The following ZNF385D variants were observed in gnomAD, a reference collection of about 807,000 sequenced individuals.
ZNF385D encodes zinc finger protein 659.
A neutral mutation model predicts 35.8 loss-of-function variants in ZNF385D; 15 were observed. The observed-to-expected ratio is 0.42, with a 90% CI of 0.28 to 0.64. ZNF385D has a LOEUF of 0.64. Among genes scored for constraint, ZNF385D ranks in the 30% least tolerant of loss-of-function variants. The probability of loss-of-function intolerance (pLI) is 0.23; values close to 1 mark genes in which losing one functional copy is unlikely to be tolerated. For synonymous variants in ZNF385D, 212 were observed against 186.8 expected (o/e 1.13, Z -1.10); for missense variants, 474 against 494.6 (o/e 0.96, Z 0.39).
At chr3:22,046,233 T>C (rs1698999960) in intron 3 of ZNF385D, among the ~76,000 whole-genome samples, 4 of 151,998 alleles carry the variant, frequency 2.6e-5, no homozygotes, top group Admixed American at 2.6e-4. Context: ...AACACACATT[T>C]TTGTAGATTA....
At chr3:21,883,032 T>C (rs1280605558) in intron 3 of ZNF385D, among the ~76,000 whole-genome samples, 1 of 152,008 alleles carries the variant, frequency 6.6e-6, no homozygotes, top group East Asian at 1.9e-4. Context: ...AAAATATTGA[T>C]GCTTATTTGG....
At chr3:22,165,100 T>G (rs1461583977) in intron 3 of ZNF385D, among the ~76,000 whole-genome samples, 1 of 152,154 alleles carries the variant, frequency 6.6e-6, no homozygotes, top group East Asian at 1.9e-4. Flanking sequence ...ATTACACATT[T>G]TGTAAACCCA....
At chr3:22,328,970 G>A (rs1049608414) in intron 2 of ZNF385D, among the ~76,000 whole-genome samples, 2 of 150,996 alleles carry the variant, frequency 1.3e-5, no homozygotes, top group African/African-American at 2.4e-5. Flanking sequence ...CCACCTACTT[G>A]GGAGGCTGAG....
intron 3 of ZNF385D, among the ~76,000 whole-genome samples, chr3:22,003,808 A>T (rs1696016788): frequency 6.6e-6 from 1 of 151,930 alleles, no homozygotes; most frequent in African/African-American, 2.4e-5. Flanking sequence ...CAGAGGCTGC[A>T]GTGAGCCAAG....
At chr3:21,976,699 G>A (rs1386436336) in intron 3 of ZNF385D, among the ~76,000 whole-genome samples, 1 of 152,178 alleles carries the variant, frequency 6.6e-6, no homozygotes, top group African/African-American at 2.4e-5. Context: ...TTTGCACTGA[G>A]AAATAATAAA....
At chr3:21,617,449 C>T (rs1452984768) in intron 2 of ZNF385D, among the ~76,000 whole-genome samples, 1 of 152,210 alleles carries the variant, frequency 6.6e-6, no homozygotes, top group South Asian at 2.1e-4. Flanking sequence ...GGATTAGATG[C>T]TTGTTAGTGA....
At chr3:21,944,509 G>A (rs1193796078) in intron 3 of ZNF385D, among the ~76,000 whole-genome samples, 1 of 152,196 alleles carries the variant, frequency 6.6e-6, no homozygotes, top group Non-Finnish European at 1.5e-5. Context: ...TTTTCTGCTG[G>A]TGGTTCGCAA....
intron 3 of ZNF385D, among the ~76,000 whole-genome samples, chr3:21,885,149 ATAT>A (rs1272963088): frequency 6.6e-6 from 1 of 152,084 alleles, no homozygotes; most frequent in Non-Finnish European, 1.5e-5. Flanking sequence ...AAAGCATATC[ATAT>A]ATGCAGCTGT....
intron 2 of ZNF385D, among the ~76,000 whole-genome samples, chr3:22,189,070 A>C (rs967219943): frequency 2.0e-5 from 3 of 152,086 alleles, no homozygotes; most frequent in Non-Finnish European, 4.4e-5. Flanking sequence ...TGTACAATCC[A>C]TTCCTTAACT....
rs571752780 is a variant in ZNF385D, at chr3:22,361,352, T to C, written c.106+11098A>G. ...TAAGTAGCATTAATTTATAGGAAGA[T>C]GTCTTTTAGAGAACCAAATTAGCCT... On this transcript the variant is annotated intron_variant, in intron 2 of 5. Transcript: ENST00000494108. Among the ~76,000 whole-genome samples the C allele has an allele frequency of 4.1e-4, 62 of 152,208 alleles. 1 individual carries two copies. Among genetic ancestry groups the C allele is most frequent in the African/African-American group, 1.4e-3 (60 of 41,574 alleles).
intron 3 of ZNF385D, among the ~76,000 whole-genome samples, chr3:21,791,797 C>T (rs539308988): frequency 1.3e-5 from 2 of 152,246 alleles, no homozygotes; most frequent in East Asian, 1.9e-4. Flanking sequence ...TGTAGTGGCG[C>T]GATCTCGGCT....
At chr3:21,990,962 C>T (rs17010562) in intron 3 of ZNF385D, among the ~76,000 whole-genome samples, 1 of 152,088 alleles carries the variant, frequency 6.6e-6, no homozygotes, top group Non-Finnish European at 1.5e-5. Flanking sequence ...AATGGCAATA[C>T]CAACAGTGCA....
At chr3:22,303,966 C>T (rs905191980) in intron 2 of ZNF385D, among the ~76,000 whole-genome samples, 44 of 152,008 alleles carry the variant, frequency 2.9e-4, no homozygotes, top group African/African-American at 1.1e-3. Context: ...TTAGTAGAGA[C>T]AGGGTTTCAC....
At chr3:21,589,566 G>A (rs1336457679) in intron 2 of ZNF385D, among the ~76,000 whole-genome samples, 1 of 151,948 alleles carries the variant, frequency 6.6e-6, no homozygotes, top group African/African-American at 2.4e-5. Context: ...TTGAAACTAA[G>A]GACATTTGTT....
chr3:22,306,319 T>C (rs1019765268), intron 2 of ZNF385D, among the ~76,000 whole-genome samples: 8 of 151,924 alleles, frequency 5.3e-5, no homozygotes, highest in African/African-American at 1.9e-4. Flanking sequence ...TAAACCTTTC[T>C]CTGTCTTGTG....
chr3:21,830,984 A>T (rs1306316098), intron 3 of ZNF385D, among the ~76,000 whole-genome samples: 5 of 152,196 alleles, frequency 3.3e-5, no homozygotes. Flanking sequence ...TTGGGTTTCT[A>T]AAGTAAAGTG....
rs1697090955 is a variant in ZNF385D at position 22,205,537 on chromosome 3, GAC to G, written c.107-36504_107-36503del. 1.3e-5 allele frequency among the ~76,000 whole-genome samples: 2 copies of G among 151,832 alleles called. 1 individual carries two copies. Among genetic ancestry groups the G allele is most frequent in the South Asian group, 4.1e-4 (2 of 4,828 alleles). ...CATATCTTAAGCAGAAAGATGAAAA[GAC>G]AAACTGATCAGAAATAGTACAATAA... On this transcript the variant is annotated intron_variant, in intron 2 of 5. Coordinates refer to the ZNF385D transcript ENST00000494108.
intron 3 of ZNF385D, among the ~76,000 whole-genome samples, chr3:22,057,644 G>C (rs1381136684): frequency 1.3e-5 from 2 of 151,878 alleles, no homozygotes; most frequent in East Asian, 1.9e-4. Context: ...CGAGTAGCTG[G>C]AACGACAGGC....
intron 3 of ZNF385D, among the ~76,000 whole-genome samples, chr3:21,953,123 T>C (rs1218711877): frequency 6.6e-6 from 1 of 152,032 alleles, no homozygotes; most frequent in African/African-American, 2.4e-5. Context: ...TCTTCTCTGC[T>C]GGCCAGATTT....
Sources: gnomAD v4.1 joint callset for allele counts (sites outside exome capture counted in the v4.1 genomes callset) on GRCh38, gnomAD v4.1.1 for gene constraint, MANE v1.5 for transcripts, NCBI Gene and HGNC (gene_info 2026-07-23, HGNC 2026-07-21) for gene names.